The following ATP2C2 variants were observed in gnomAD, a reference collection of about 807,000 sequenced individuals.
ATP2C2 encodes the protein calcium-transporting ATPase type 2C member 2.
ATP2C2 carries 171 observed loss-of-function variants against 110.8 expected under a neutral mutation model. That is an observed-to-expected ratio of 1.54 (90% CI 1.36 to 1.75). The LOEUF is 1.75. Ranked by LOEUF, ATP2C2 falls within the 40% of genes most tolerant of loss-of-function variation. The pLI is 0.00. For missense variants in ATP2C2, 1,963 were observed against 1,235.0 expected, an observed-to-expected ratio of 1.59 and a Z score of -8.84; for synonymous variants, 804 against 508.4, an observed-to-expected ratio of 1.58 and a Z score of -7.82.
chr16:84,415,136 C>A (rs1164015161), intron 6 of ATP2C2, among the ~76,000 whole-genome samples: 2 of 152,076 alleles, frequency 1.3e-5, no homozygotes, highest in Non-Finnish European at 2.9e-5. Context: ...ACCCTGAGTG[C>A]TGTGTGCTCT....
intron 11 of ATP2C2, among the ~76,000 whole-genome samples, chr16:84,426,602 A>G (rs1907835382): frequency 6.6e-6 from 1 of 152,160 alleles, no homozygotes; most frequent in Non-Finnish European, 1.5e-5. Context: ...CCTCCTCTGA[A>G]AAATGGGAAT....
chr16:84,418,252 C>G (rs145155129), intron 7 of ATP2C2, among the ~76,000 whole-genome samples: 1 of 152,216 alleles, frequency 6.6e-6, no homozygotes, highest in East Asian at 1.9e-4. Flanking sequence ...CCTCTGTCTT[C>G]AGGCTCGGCC....
intron 11 of ATP2C2, among the ~76,000 whole-genome samples, chr16:84,434,075 T>C (rs1347959212): frequency 2.6e-5 from 4 of 152,160 alleles, no homozygotes; most frequent in African/African-American, 9.7e-5. Context: ...TTTTCCAAAA[T>C]AAGTAAAATG....
intron 7 of ATP2C2, among the ~76,000 whole-genome samples, chr16:84,419,647 C>CTGT (rs1555559688): frequency 2.2e-4 from 1 of 4,466 alleles, no homozygotes; most frequent in Admixed American, 1.1e-3. Flanking sequence ...TCCTCCCTTC[C>CTGT]CTTGGGGCCC....
At chr16:84,369,955 C>A (rs9927461) in intron 1 of ATP2C2, among the ~76,000 whole-genome samples, 39,997 of 152,144 alleles carry the variant, frequency 0.26, 6,780 homozygotes, top group East Asian at 0.45. Flanking sequence ...CATTTCTCTG[C>A]TTCTGCGATA....
Position 84,417,418 on chromosome 16 carries a change from G to T in ATP2C2, c.624+1827G>T, listed in dbSNP as rs529849845. ...CAGGGTTATTGTGAAGATGAAACAAGCTATGACCCATGCTGTGCTTAGCAC... is the reference window on the plus strand; with the variant it reads ...CAGGGTTATTGTGAAGATGAAACAATCTATGACCCATGCTGTGCTTAGCAC... On this transcript the variant is annotated intron_variant, in intron 7 of 26. Coordinates refer to ENST00000262429, the MANE Select transcript of ATP2C2 (RefSeq NM_014861.4). Among the ~76,000 whole-genome samples the T allele has an allele frequency of 1.0e-3, 155 of 152,360 alleles. 1 individual carries two copies. The highest frequency in any genetic ancestry group is 3.5e-3 in the African/African-American group (147 of 41,586).
chr16:84,417,937 G>C (rs2150536309), intron 7 of ATP2C2, among the ~76,000 whole-genome samples: 1 of 152,320 alleles, frequency 6.6e-6, no homozygotes, highest in East Asian at 1.9e-4. Context: ...TGGTCTAGCA[G>C]GTTCAGCAGG....
In ATP2C2 at chr16:84,389,014, C is replaced by T. The variant is rs554577294; in HGVS notation, c.100-9485C>T. ...CTCAATCTCTTGACCTCGTGATCCA[C>T]CCAAAGTGCTGGGATTACAGGCATG... On this transcript the variant is annotated intron_variant, in intron 1 of 26. Coordinates refer to ENST00000262429, the MANE Select transcript of ATP2C2 (RefSeq NM_014861.4). 8.5e-5 allele frequency among the ~76,000 whole-genome samples: 13 copies of T among 152,260 alleles called. No homozygotes were observed. The South Asian group carries it at 2.5e-3, about 29-fold the overall frequency.
chr16:84,415,093 C>G (rs1906714408), intron 6 of ATP2C2, among the ~76,000 whole-genome samples: 1 of 152,130 alleles, frequency 6.6e-6, no homozygotes. Flanking sequence ...TGATAAGGCT[C>G]TGCCATCCCT....
At chr16:84,383,017 G>A (rs1036494460) in intron 1 of ATP2C2, among the ~76,000 whole-genome samples, 18 of 152,168 alleles carry the variant, frequency 1.2e-4, no homozygotes, top group African/African-American at 4.3e-4. Context: ...GTCTACAGCT[G>A]GAGACAGAAG....
chr16:84,374,390 T>C (rs1037865891), intron 1 of ATP2C2, among the ~76,000 whole-genome samples: 9 of 152,226 alleles, frequency 5.9e-5, no homozygotes, highest in African/African-American at 1.7e-4. Flanking sequence ...ACTGGTGTTA[T>C]GTCACAGTCC....
intron 15 of ATP2C2, among the ~76,000 whole-genome samples, chr16:84,443,465 G>A (rs1019793890): frequency 7.9e-5 from 12 of 152,132 alleles, no homozygotes; most frequent in Non-Finnish European, 1.8e-4. Flanking sequence ...GGAAAAGCCC[G>A]ACTCAGGGTG....
chr16:84,369,577 A>C (rs1050843219), intron 1 of ATP2C2, among the ~76,000 whole-genome samples: 1 of 152,102 alleles, frequency 6.6e-6, no homozygotes, highest in Non-Finnish European at 1.5e-5. Context: ...TGGGTTGCTA[A>C]TTAGAAATAT....
At chr16:84,407,834 A>G (rs530419593) in intron 3 of ATP2C2, among the ~76,000 whole-genome samples, 2 of 151,960 alleles carry the variant, frequency 1.3e-5, no homozygotes, top group Non-Finnish European at 2.9e-5. Flanking sequence ...ATCCGGTTTT[A>G]TGTGTTTGCA....
At position 84,459,980 on chromosome 16, in the gene ATP2C2, A is replaced by G. The variant is rs543989207; in HGVS notation, c.2333+594A>G. ...GGGGGAAGGAATGCGCTTTGGAGTC[A>G]GGGGACCCATCTGGCCACGTGTGCG... On this transcript the variant is annotated intron_variant, in intron 23 of 26. Transcript: ENST00000262429. 1.2e-5 allele frequency: 3 copies of G among 250,690 alleles called. No homozygotes were observed. In the East Asian group the frequency reaches 2.8e-4, roughly 24 times the overall value. The allele number at this position is 250,690 out of a possible 1,614,324, so 15.5% of individuals were successfully genotyped here. A position where few individuals can be genotyped will look rare whatever the true frequency, so the allele number is the denominator to read the frequency against.
intron 6 of ATP2C2, among the ~76,000 whole-genome samples, chr16:84,412,485 T>C (rs905833349): frequency 3.7e-4 from 39 of 105,766 alleles, no homozygotes; most frequent in African/African-American, 1.2e-3. Flanking sequence ...TGCATGTGTA[T>C]GTGTGCATGT....
intron 2 of ATP2C2, among the ~76,000 whole-genome samples, chr16:84,404,255 CA>C (rs1285790138): frequency 6.6e-6 from 1 of 152,188 alleles, no homozygotes; most frequent in African/African-American, 2.4e-5. Context: ...TCTTAAGACC[CA>C]CAGTCAGCAA....
At chr16:84,439,074 A>C in intron 11 of ATP2C2, 92 bp from the exon 12 acceptor site, 2 of 1,553,002 alleles carry the variant, frequency 1.3e-6, no homozygotes, top group Non-Finnish European at 8.7e-7. Context: ...ACCTAAGACA[A>C]GCTTCACCAG....
At chr16:84,428,219 G>C (rs545586355) in intron 11 of ATP2C2, among the ~76,000 whole-genome samples, 9 of 152,192 alleles carry the variant, frequency 5.9e-5, no homozygotes, top group Admixed American at 5.2e-4. Context: ...TCTGGTACAT[G>C]GTATCAGGTA....
Sources: allele counts gnomAD v4.1 joint callset (sites outside exome capture counted in the v4.1 genomes callset), GRCh38; gene constraint gnomAD v4.1.1; transcripts MANE v1.5; gene names NCBI Gene and HGNC (gene_info 2026-07-23, HGNC 2026-07-21).